The following PDE1C variants were observed in gnomAD, a reference collection of about 807,000 sequenced individuals.
PDE1C encodes the protein phosphodiesterase 1C, also known as dual specificity calcium/calmodulin-dependent 3',5'-cyclic nucleotide phosphodiesterase 1C.
PDE1C carries 62 observed loss-of-function variants against 93.1 expected under a neutral mutation model. The ratio of observed to expected loss-of-function variants is 0.67; its 90% CI spans 0.54 to 0.82. PDE1C has a LOEUF of 0.82. PDE1C is among the 40% of genes least tolerant of loss of function. The pLI is 0.00. For missense variants in PDE1C, 742 were observed against 884.6 expected (o/e 0.84, Z 2.04); for synonymous variants, 325 against 310.1 (o/e 1.05, Z -0.50).
intron 1 of PDE1C, among the ~76,000 whole-genome samples, chr7:32,297,074 G>A (rs139799218): frequency 6.6e-6 from 1 of 152,262 alleles, no homozygotes; most frequent in Non-Finnish European, 1.5e-5. Flanking sequence ...CTAAAGCATA[G>A]ACAAGATTTC....
At chr7:31,748,589 A>C (rs561569253), downstream of PDE1C, among the ~76,000 whole-genome samples, 7 of 152,254 alleles carry the variant, frequency 4.6e-5, no homozygotes, top group Non-Finnish European at 1.5e-5. Flanking sequence ...GCAGCTTTTC[A>C]TGTTCTGTGA....
At chr7:31,743,359 C>A in the PDE1C span, among the ~76,000 whole-genome samples, 1 of 152,106 alleles carries the variant, frequency 6.6e-6, no homozygotes, top group Non-Finnish European at 1.5e-5. Context: ...TCTTTGCTCC[C>A]GCTCTTCCCC....
chr7:32,200,814 C>G (rs1039026096), intron 2 of PDE1C, among the ~76,000 whole-genome samples: 2 of 152,188 alleles, frequency 1.3e-5, no homozygotes, highest in African/African-American at 2.4e-5. Flanking sequence ...GAGGCCTCAT[C>G]ATCTCAGTGG....
At chr7:31,923,060 A>C (rs923645358) in intron 2 of PDE1C, among the ~76,000 whole-genome samples, 1 of 152,128 alleles carries the variant, frequency 6.6e-6, no homozygotes, top group Non-Finnish European at 1.5e-5. Flanking sequence ...ACATATGTTG[A>C]ATCAACTTGG....
chr7:31,879,060 T>A lies in PDE1C; in HGVS notation c.361A>T (p.Ser121Cys). 1 of 1,614,118 alleles carries A rather than the reference T, an allele frequency of 6.2e-7. No homozygotes were observed. The highest frequency in any genetic ancestry group is 1.3e-5 in the African/African-American group (1 of 75,022). The change falls in exon 4 of 18, where the codon AGC becomes TGC. Residue 121 changes from serine to cysteine, a missense_variant. This residue lies in a region of PDE1C where 205 missense variants were observed against 295.3 expected (regional missense o/e 0.69). Coordinates refer to ENST00000396191, the MANE Select transcript of PDE1C (RefSeq NM_001191057.4). The part of the protein sequence containing the change: ...TRQMGMMLRR[S>C]DEKPRFKSIV... The stretch of plus-strand genomic sequence containing the variant: ...CTCTTGAACCGGGGCTTCTCGTCGC[T>A]CCTCCTGAGCATCATCCCCATCTGC...
the PDE1C span, among the ~76,000 whole-genome samples, chr7:31,628,234 G>A: frequency 4.4e-4 from 67 of 152,052 alleles, no homozygotes; most frequent in African/African-American, 1.4e-3. Flanking sequence ...TACTCCTACC[G>A]GTGCCTCCCA....
In PDE1C at chr7:31,984,594, A is replaced by G. The variant is rs1371627466; in HGVS notation, c.128+66960T>C. 1.3e-5 allele frequency among the ~76,000 whole-genome samples: 2 copies of G among 152,068 alleles called. 1 individual carries two copies. Among genetic ancestry groups the G allele is most frequent in the Non-Finnish European group, 2.9e-5 (2 of 68,022 alleles). ...CTTTTTATGTTTTTTGAACAAGGAGACCCAAATTTTCACTGCGTGCACACT... is the reference window on the plus strand; with the variant it reads ...CTTTTTATGTTTTTTGAACAAGGAGGCCCAAATTTTCACTGCGTGCACACT... On this transcript the variant is annotated intron_variant, in intron 2 of 17. Transcript: ENST00000396191.
At chr7:31,746,788 A>G (rs1159083448), downstream of PDE1C, among the ~76,000 whole-genome samples, 1 of 152,070 alleles carries the variant, frequency 6.6e-6, no homozygotes, top group East Asian at 1.9e-4. Context: ...TTTTTCCCAC[A>G]TGGACTATGC....
chr7:31,715,081 GAACT>G, the PDE1C span, among the ~76,000 whole-genome samples: 2 of 152,206 alleles, frequency 1.3e-5, no homozygotes, highest in East Asian at 1.9e-4. Context: ...TGATATTTGA[GAACT>G]AACCTAATGA....
intron 3 of PDE1C, among the ~76,000 whole-genome samples, chr7:32,095,867 G>GA (rs1475953800): frequency 6.6e-6 from 1 of 152,126 alleles, no homozygotes; most frequent in African/African-American, 2.4e-5. Flanking sequence ...CTTACAGAAT[G>GA]ATGTGAGGTC....
At chr7:31,692,589 G>C in the PDE1C span, 1 of 1,477,104 alleles carries the variant, frequency 6.8e-7, no homozygotes, top group Non-Finnish European at 9.4e-7. Flanking sequence ...CAGCCATTTG[G>C]TTTGCAGGCA....
chr7:31,977,871 T>C (rs1451649541), intron 2 of PDE1C, among the ~76,000 whole-genome samples: 1 of 152,196 alleles, frequency 6.6e-6, no homozygotes, highest in Non-Finnish European at 1.5e-5. Flanking sequence ...AAGCCACCAC[T>C]GACTTATAAT....
At chr7:31,717,224 T>G in the PDE1C span, among the ~76,000 whole-genome samples, 1 of 152,260 alleles carries the variant, frequency 6.6e-6, no homozygotes, top group African/African-American at 2.4e-5. Flanking sequence ...GTACTAAACA[T>G]AATTTTTACT....
At chr7:32,178,581 G>A (rs961080781) in intron 2 of PDE1C, among the ~76,000 whole-genome samples, 2 of 151,914 alleles carry the variant, frequency 1.3e-5, no homozygotes, top group Admixed American at 6.5e-5. Context: ...AAGCCTTCAG[G>A]GCACCAAAAA....
At chr7:31,899,978 C>G (rs898834379) in intron 2 of PDE1C, among the ~76,000 whole-genome samples, 1 of 152,196 alleles carries the variant, frequency 6.6e-6, no homozygotes, top group Non-Finnish European at 1.5e-5. Flanking sequence ...ATACACAGGA[C>G]AGCCCCACAG....
At chr7:32,402,911 G>A (rs574031985) in intron 1 of PDE1C, among the ~76,000 whole-genome samples, 1 of 152,170 alleles carries the variant, frequency 6.6e-6, no homozygotes, top group Non-Finnish European at 1.5e-5. Flanking sequence ...CAAAGAAAGT[G>A]CTATGAGAAG....
At position 32,126,261 on chromosome 7, in the gene PDE1C, A is replaced by G. The variant is rs529131397; in HGVS notation, c.308+43524T>C. On this transcript the variant is annotated intron_variant, in intron 3 of 18. Transcript: ENST00000396193. Reference sequence around the variant, plus strand: ...GATAGATAGATTCATTTAAATATCAATGCAACTCTATGAAATATGCACTGT... The same window carrying G: ...GATAGATAGATTCATTTAAATATCAGTGCAACTCTATGAAATATGCACTGT... Among the ~76,000 whole-genome samples, 6 of 152,256 alleles carry G rather than the reference A, an allele frequency of 3.9e-5. No homozygotes were observed. The South Asian group carries it at 1.0e-3, about 26-fold the overall frequency.
chr7:32,067,824 TA>T (rs1795578672), intron 1 of PDE1C, among the ~76,000 whole-genome samples: 1 of 152,238 alleles, frequency 6.6e-6, no homozygotes, highest in Admixed American at 6.5e-5. Context: ...TTTGAATATT[TA>T]AAAGCTCACA....
the PDE1C span, among the ~76,000 whole-genome samples, chr7:31,659,313 G>C: frequency 3.9e-4 from 60 of 152,318 alleles, 1 homozygote; most frequent in South Asian, 6.0e-3. Flanking sequence ...GCTGAAAGCT[G>C]TTGAGCCTTG....
Sources: allele counts gnomAD v4.1 joint callset (sites outside exome capture counted in the v4.1 genomes callset), GRCh38; gene constraint gnomAD v4.1.1; regional missense constraint gnomAD v4.1.1; transcripts MANE v1.5; gene names NCBI Gene and HGNC (gene_info 2026-07-23, HGNC 2026-07-21).